Variants in STK39 observed in about 807,000 individuals in gnomAD.
The protein encoded by STK39 is serine/threonine kinase 39.
In STK39, 20 loss-of-function variants were observed where a neutral mutation model predicts 77.8. That is an observed-to-expected ratio of 0.26 (90% CI 0.18 to 0.37). The LOEUF (loss-of-function observed/expected upper bound fraction) is 0.37. Among genes scored for constraint, STK39 ranks in the 10% least tolerant of loss-of-function variants. The pLI, the probability that STK39 is intolerant of heterozygous loss-of-function variation, is 1.00. For synonymous variants in STK39, 246 were observed against 234.1 expected (o/e 1.05, Z -0.47); for missense variants, 479 against 656.5 (o/e 0.73, Z 2.95).
intron 1 of STK39, among the ~76,000 whole-genome samples, chr2:168,243,394 C>T (rs1241909622): frequency 2.0e-5 from 3 of 152,192 alleles, no homozygotes; most frequent in African/African-American, 7.2e-5. Flanking sequence ...AGAAATAAAG[C>T]ATTCAAAGGA....
chr2:168,207,941 T>C (rs1045893144), intron 1 of STK39, among the ~76,000 whole-genome samples: 2 of 151,920 alleles, frequency 1.3e-5, no homozygotes, highest in Non-Finnish European at 2.9e-5. Flanking sequence ...GAAGAATAGC[T>C]GAGAAGGAAG....
chr2:168,171,464 G>GAA (rs780890035), intron 2 of STK39, among the ~76,000 whole-genome samples: 132 of 96,294 alleles, frequency 1.4e-3, no homozygotes, highest in African/African-American at 5.0e-3. Flanking sequence ...TAACAGAACT[G>GAA]AAAATAAAAA....
chr2:168,196,372 A>G (rs889325140), intron 1 of STK39, among the ~76,000 whole-genome samples: 39 of 152,310 alleles, frequency 2.6e-4, no homozygotes, highest in Admixed American at 6.5e-4. Flanking sequence ...ATTTAAAAGT[A>G]TCATAAATGG....
In STK39 at chr2:168,247,326, G is replaced by T; in HGVS notation, c.110C>A (p.Pro37Gln). The change falls in exon 1 of 18, where the codon CCG becomes CAG. Residue 37 changes from proline to glutamine, a missense_variant. Around this residue, in one of 3 missense-constraint regions of STK39, gnomAD observed 96 missense variants for 79.1 expected, o/e 1.21. Coordinates refer to ENST00000355999, the MANE Select transcript of STK39 (RefSeq NM_013233.3). ...APAAATAAPAPAAPAAPAPAP... is the reference protein window; with the variant it reads ...APAAATAAPAQAAPAAPAPAP... ...CGGGGCCGGGGCCGCGGGAGCTGCC[G>T]GGGCCGGCGCTGCTGTCGCGGCCGC... 9.6e-7 allele frequency: 1 copy of T among 1,037,906 alleles called. No individual in the cohort carries two copies. Among genetic ancestry groups the T allele is most frequent in the Non-Finnish European group, 1.2e-6 (1 of 861,476 alleles). The allele number at this position is 1,037,906 out of a possible 1,614,324, so 64.3% of individuals were successfully genotyped here.
chr2:168,111,583 T>C (rs1687121535), intron 10 of STK39, among the ~76,000 whole-genome samples: 1 of 152,218 alleles, frequency 6.6e-6, no homozygotes, highest in African/African-American at 2.4e-5. Context: ...TAGGATCTTC[T>C]CTTTATTTCT....
chr2:168,112,211 A>G (rs1687137000), intron 10 of STK39, among the ~76,000 whole-genome samples: 2 of 152,044 alleles, frequency 1.3e-5, no homozygotes, highest in African/African-American at 4.8e-5. Context: ...AGAACTCAGT[A>G]TCTCCTCTCT....
intron 1 of STK39, among the ~76,000 whole-genome samples, chr2:168,189,152 C>T (rs1181562599): frequency 1.3e-5 from 2 of 152,210 alleles, no homozygotes; most frequent in Middle Eastern, 3.2e-3. Flanking sequence ...TTAATGGCCA[C>T]TCAGTGAAAT....
intron 1 of STK39, among the ~76,000 whole-genome samples, chr2:168,228,068 C>T (rs927870490): frequency 5.9e-5 from 9 of 152,100 alleles, no homozygotes; most frequent in African/African-American, 2.2e-4. Context: ...AAATCTAAGT[C>T]GTAACACAGA....
At chr2:168,233,851 ATGATATTT>A (rs774823392) in intron 1 of STK39, among the ~76,000 whole-genome samples, 2 of 152,230 alleles carry the variant, frequency 1.3e-5, no homozygotes, top group Non-Finnish European at 2.9e-5. Flanking sequence ...ATGACACATT[ATGATATTT>A]CTGAAAATAT....
chr2:168,120,169 T>C lies in STK39; in HGVS notation c.1089+9372A>G. 1.3e-5 allele frequency among the ~76,000 whole-genome samples: 2 copies of C among 152,250 alleles called. 1 individual carries two copies. Among genetic ancestry groups the C allele is most frequent in the Non-Finnish European group, 2.9e-5 (2 of 68,040 alleles). On this transcript the variant is annotated intron_variant, in intron 10 of 17. Transcript: ENST00000355999. ...AAATCATTCTTAATAGTCTAATGTA[T>C]CTTATCCTCTGGCCTAACCTATTTA...
chr2:168,186,691 T>A (rs932925557), intron 1 of STK39, among the ~76,000 whole-genome samples: 4 of 152,200 alleles, frequency 2.6e-5, no homozygotes, highest in Non-Finnish European at 4.4e-5. Flanking sequence ...ATATTTCACA[T>A]CCCTGGAAAA....
chr2:168,103,000 C>G (rs1399665770), intron 10 of STK39, among the ~76,000 whole-genome samples: 1 of 148,466 alleles, frequency 6.7e-6, no homozygotes, highest in Non-Finnish European at 1.5e-5. Flanking sequence ...AATATGAGGA[C>G]TATTTGGACT....
intron 2 of STK39, among the ~76,000 whole-genome samples, chr2:168,179,614 T>C (rs1287581552): frequency 6.6e-6 from 1 of 151,850 alleles, no homozygotes; most frequent in Non-Finnish European, 1.5e-5. Context: ...AATGAGAAAA[T>C]AAATTAACTC....
At chr2:168,068,117 T>C (rs1199637234) in intron 12 of STK39, among the ~76,000 whole-genome samples, 2 of 152,146 alleles carry the variant, frequency 1.3e-5, no homozygotes, top group African/African-American at 2.4e-5. Flanking sequence ...TATGATTCAA[T>C]TACCGCTCAT....
At chr2:168,068,240 T>C (rs930595037) in intron 12 of STK39, among the ~76,000 whole-genome samples, 2 of 152,182 alleles carry the variant, frequency 1.3e-5, no homozygotes, top group Admixed American at 6.5e-5. Context: ...TGGATTAATG[T>C]TGAACACCAC....
intron 1 of STK39, among the ~76,000 whole-genome samples, chr2:168,212,848 G>C (rs1433413495): frequency 6.6e-6 from 1 of 152,148 alleles, no homozygotes; most frequent in East Asian, 1.9e-4. Flanking sequence ...AGTGTTACTG[G>C]TTTGGTATAT....
intron 10 of STK39, among the ~76,000 whole-genome samples, chr2:168,102,982 T>C (rs1686875781): frequency 6.6e-6 from 1 of 151,816 alleles, no homozygotes; most frequent in African/African-American, 2.4e-5. Flanking sequence ...AATTTTCTCT[T>C]TGGATTCAAT....
chr2:168,179,545 TAAATAATGC>T (rs1689033131), intron 2 of STK39, among the ~76,000 whole-genome samples: 1 of 151,646 alleles, frequency 6.6e-6, no homozygotes. Flanking sequence ...AAATGAAAAA[TAAATAATGC>T]AAATATATTA....
At chr2:168,102,668 G>A (rs1373571346) in intron 10 of STK39, among the ~76,000 whole-genome samples, 3 of 152,172 alleles carry the variant, frequency 2.0e-5, no homozygotes, top group South Asian at 2.1e-4. Context: ...GGTGGCTCAC[G>A]CCTGTAATCC....
Sources: allele counts gnomAD v4.1 joint callset (sites outside exome capture counted in the v4.1 genomes callset), GRCh38; gene constraint gnomAD v4.1.1; regional missense constraint gnomAD v4.1.1; transcripts MANE v1.5; gene names NCBI Gene and HGNC (gene_info 2026-07-23, HGNC 2026-07-21).